Variants in ZFHX3 observed in about 807,000 individuals in gnomAD.
ZFHX3 encodes the protein zinc finger homeobox protein 3.
In ZFHX3, 42 loss-of-function variants were observed where a neutral mutation model predicts 279.1. The ratio of observed to expected loss-of-function variants is 0.15; its 90% CI spans 0.12 to 0.19. ZFHX3 has a LOEUF of 0.19. Ranked by LOEUF, ZFHX3 falls within the 10% of genes least tolerant of loss-of-function variation. ZFHX3 has a pLI of 1.00. For missense variants in ZFHX3, 4,981 were observed against 4,754.0 expected, an observed-to-expected ratio of 1.05 and a Z score of -1.40; for synonymous variants, 2,293 against 1,957.8, an observed-to-expected ratio of 1.17 and a Z score of -4.52.
At chr16:73,338,880 G>A (rs528562982) in intron 3 of ZFHX3, among the ~76,000 whole-genome samples, 1 of 152,198 alleles carries the variant, frequency 6.6e-6, no homozygotes, top group African/African-American at 2.4e-5. Flanking sequence ...CGCCATAGTG[G>A]ATGAGTTCTT....
chr16:72,824,946 G>T (rs1273435756), intron 5 of ZFHX3, among the ~76,000 whole-genome samples: 1 of 152,246 alleles, frequency 6.6e-6, no homozygotes, highest in Non-Finnish European at 1.5e-5. Context: ...CATTAGGGAA[G>T]AGAACAAAGA....
intron 3 of ZFHX3, among the ~76,000 whole-genome samples, chr16:73,371,847 G>A (rs563988525): frequency 1.3e-5 from 2 of 152,336 alleles, no homozygotes; most frequent in South Asian, 2.1e-4. Context: ...TGATCGCAAT[G>A]CCCTTTCCCT....
chr16:73,035,881 G>A (rs1253843221), intron 1 of ZFHX3, among the ~76,000 whole-genome samples: 3 of 152,214 alleles, frequency 2.0e-5, no homozygotes, highest in African/African-American at 7.2e-5. Flanking sequence ...TCCAGCCTGG[G>A]AGACAGAGTG....
intron 3 of ZFHX3, among the ~76,000 whole-genome samples, chr16:72,895,355 T>C (rs192381670): frequency 1.1e-4 from 17 of 152,264 alleles, no homozygotes; most frequent in South Asian, 2.1e-4. Flanking sequence ...TCCCCACAAA[T>C]TACTAATGAG....
At chr16:73,620,737 A>T (rs1418582127) in intron 2 of ZFHX3, among the ~76,000 whole-genome samples, 1 of 152,354 alleles carries the variant, frequency 6.6e-6, no homozygotes, top group East Asian at 1.9e-4. Context: ...TCCACTTCTG[A>T]TAATATCTTT....
In ZFHX3 at chr16:73,871,699, A is replaced by T. The variant is rs185268381; in HGVS notation, c.-1608+19952T>A. Among the ~76,000 whole-genome samples, 165 of 152,310 alleles carry T rather than the reference A, an allele frequency of 1.1e-3. 1 individual carries two copies. Among genetic ancestry groups the T allele is most frequent in the Admixed American group, 3.1e-3 (47 of 15,300 alleles). Reference sequence around the variant, plus strand: ...TTTATCTTTTGCAAAGGCCAGCATAACAAAGCTTATGGCAGTCTCTCATCA... The same window carrying T: ...TTTATCTTTTGCAAAGGCCAGCATATCAAAGCTTATGGCAGTCTCTCATCA... On this transcript the variant is annotated intron_variant, in intron 1 of 17. Coordinates refer to the ZFHX3 transcript ENST00000641206.
intron 3 of ZFHX3, among the ~76,000 whole-genome samples, chr16:73,348,132 C>A (rs374181745): frequency 6.6e-6 from 1 of 152,082 alleles, no homozygotes; most frequent in South Asian, 2.1e-4. Flanking sequence ...TTGGGCAGGC[C>A]GACTGCTTAA....
intron 3 of ZFHX3, among the ~76,000 whole-genome samples, chr16:73,393,405 C>G (rs544979937): frequency 1.2e-4 from 19 of 152,298 alleles, no homozygotes; most frequent in Admixed American, 1.2e-3. Flanking sequence ...GTTCCTGGTC[C>G]TCCCCTTTCC....
chr16:73,500,095 T>C (rs534951602), intron 2 of ZFHX3: 1 of 152,296 alleles, frequency 6.6e-6, no homozygotes, highest in Admixed American at 6.5e-5. Context: ...ACTTACAAAA[T>C]AAAAAATTTA....
At chr16:73,759,579 G>C (rs1004694544) in intron 1 of ZFHX3, among the ~76,000 whole-genome samples, 1 of 152,190 alleles carries the variant, frequency 6.6e-6, no homozygotes, top group Non-Finnish European at 1.5e-5. Context: ...AAGTTAAAAA[G>C]AGGAGGCAGA....
At chr16:73,329,407 G>A (rs1027540062) in intron 3 of ZFHX3, among the ~76,000 whole-genome samples, 5 of 152,224 alleles carry the variant, frequency 3.3e-5, no homozygotes, top group African/African-American at 4.8e-5. Context: ...GTTTCTTAGC[G>A]TCTTGTGCGC....
chr16:73,805,876 G>A (rs988254014), intron 1 of ZFHX3, among the ~76,000 whole-genome samples: 1 of 152,306 alleles, frequency 6.6e-6, no homozygotes, highest in East Asian at 1.9e-4. Flanking sequence ...CTCTGAGAAG[G>A]TGACTTGCTC....
At chr16:73,632,288 T>C (rs2052481366) in intron 2 of ZFHX3, among the ~76,000 whole-genome samples, 1 of 152,230 alleles carries the variant, frequency 6.6e-6, no homozygotes, top group African/African-American at 2.4e-5. Flanking sequence ...GATGAATATA[T>C]GTTGGATTAT....
At chr16:73,065,835 ACGACAT>A (rs1201892467) in intron 8 of ZFHX3, among the ~76,000 whole-genome samples, 1 of 152,204 alleles carries the variant, frequency 6.6e-6, no homozygotes, top group African/African-American at 2.4e-5. Context: ...TAAGCAACAA[ACGACAT>A]CGAACAGATA....
At chr16:73,141,787 G>C (rs771355093) in intron 6 of ZFHX3, among the ~76,000 whole-genome samples, 1 of 152,134 alleles carries the variant, frequency 6.6e-6, no homozygotes, top group Non-Finnish European at 1.5e-5. Flanking sequence ...CTGACTCTGA[G>C]GCTCAGGAGG....
chr16:73,299,247 C>T (rs1246225518), intron 4 of ZFHX3, among the ~76,000 whole-genome samples: 1 of 152,078 alleles, frequency 6.6e-6, no homozygotes, highest in Non-Finnish European at 1.5e-5. Context: ...TAAGTTATAG[C>T]ATCCGAACAT....
intron 2 of ZFHX3, among the ~76,000 whole-genome samples, chr16:73,627,894 G>C (rs1475671942): frequency 2.6e-5 from 4 of 152,162 alleles, no homozygotes; most frequent in African/African-American, 9.7e-5. Flanking sequence ...CTCCAGCCTG[G>C]GCGACAGAGC....
chr16:72,919,711 T>C (rs2039533632), intron 3 of ZFHX3, among the ~76,000 whole-genome samples: 1 of 151,186 alleles, frequency 6.6e-6, no homozygotes, highest in Non-Finnish European at 1.5e-5. Context: ...ATGATCTGTA[T>C]ATGTAACATT....
chr16:73,621,922 T>C (rs2052367477), intron 2 of ZFHX3, among the ~76,000 whole-genome samples: 1 of 152,170 alleles, frequency 6.6e-6, no homozygotes, highest in Non-Finnish European at 1.5e-5. Flanking sequence ...CAAACACTGC[T>C]TCAGTAAATT....
Sources: allele counts gnomAD v4.1 joint callset (sites outside exome capture counted in the v4.1 genomes callset), GRCh38; gene constraint gnomAD v4.1.1; transcripts MANE v1.5; gene names NCBI Gene and HGNC (gene_info 2026-07-23, HGNC 2026-07-21).